Variants in TBC1D8B observed in about 807,000 individuals in gnomAD.
TBC1D8B encodes RP11-321G1.1.
Under a neutral mutation model 82.9 loss-of-function variants are expected in TBC1D8B, and 75 were observed. The observed-to-expected ratio is 0.90, with a 90% CI of 0.75 to 1.10. The LOEUF is 1.10. TBC1D8B is among the 50% of genes least tolerant of loss of function. The pLI is 0.00. For missense variants in TBC1D8B, 794 were observed against 796.9 expected (o/e 1.00, Z 0.04); for synonymous variants, 276 against 276.8 (o/e 1.00, Z 0.03).
At chrX:106,841,256 C>A (rs1932298581) in intron 10 of TBC1D8B, among the ~76,000 whole-genome samples, 1 of 111,265 alleles carries the variant, frequency 9.0e-6, no homozygotes, top group Non-Finnish European at 1.9e-5. Context: ...AATATAAATT[C>A]CTGTCATGAT....
intron 11 of TBC1D8B, chrX:106,849,696 T>C: frequency 2.3e-6 from 2 of 879,668 alleles, no homozygotes; most frequent in Non-Finnish European, 2.8e-6. Context: ...TTCTAATTAT[T>C]TGTGTATTTA....
Position 106,873,724 on chromosome X carries a change from A to G in TBC1D8B, c.3122A>G (p.Lys1041Arg). ...RKLHSPTSSA[K>R]GFSGTVCGSG... ...CTACATAGCCCTACATCATCAGCCA[A>G]AGGATTCTCTGGTACTGTCTGTGGT... The change falls in exon 21 of 21, where the codon AAA becomes AGA. Residue 1041 changes from lysine (K) to arginine (R), a missense_variant. Coordinates refer to ENST00000357242, the MANE Select transcript of TBC1D8B (RefSeq NM_017752.3). The G allele has an allele frequency of 1.7e-6, 2 of 1,211,812 alleles. No individual in the cohort carries two copies. The highest frequency in any genetic ancestry group is 3.0e-5 in the East Asian group (1 of 33,833).
chrX:106,857,523 A>C (rs1331080882), intron 14 of TBC1D8B, among the ~76,000 whole-genome samples: 8 of 111,261 alleles, frequency 7.2e-5, no homozygotes, highest in African/African-American at 2.6e-4. Flanking sequence ...CACAGGTAAT[A>C]ATGGTACTCA....
chrX:106,842,341 T>C (rs1932327206), intron 10 of TBC1D8B, among the ~76,000 whole-genome samples: 1 of 110,776 alleles, frequency 9.0e-6, no homozygotes, highest in Admixed American at 9.7e-5. Flanking sequence ...TTCTAAAAGA[T>C]GAGAGCAAAG....
In TBC1D8B at chrX:106,829,380, A is replaced by G. The variant is rs1438936653; in HGVS notation, c.1203+2043A>G. 2.0e-3 allele frequency: 208 copies of G among 104,175 alleles called. 2 individuals are homozygous for G. The highest frequency in any genetic ancestry group is 7.8e-3 in the African/African-American group (204 of 26,312). The allele number at this position is 104,175 out of a possible 1,213,427, so 8.6% of individuals were successfully genotyped here. ...ATGGCCATACTGCCCAAGGTAATTT[A>G]CAGATTCAATGCCATCCCCATCAAG... is the stretch of plus-strand genomic sequence containing the variant. On this transcript the variant is annotated intron_variant, in intron 7 of 20. Transcript: ENST00000357242.
At chrX:106,844,901 C>A (rs960314407) in intron 10 of TBC1D8B, among the ~76,000 whole-genome samples, 4 of 111,086 alleles carry the variant, frequency 3.6e-5, no homozygotes. Context: ...CTAAGTCAAT[C>A]TCTTTATTTA....
At position 106,850,008 on chromosome X, in the gene TBC1D8B, C is replaced by A; in HGVS notation, c.1838-17C>A. 1.5e-5 allele frequency: 17 copies of A among 1,158,115 alleles called. No homozygotes were observed. The highest frequency in any genetic ancestry group is 1.8e-5 in the Non-Finnish European group (16 of 872,629). On this transcript the variant is annotated splice_polypyrimidine_tract_variant and intron_variant, in intron 11 of 20. Coordinates refer to ENST00000357242, the MANE Select transcript of TBC1D8B (RefSeq NM_017752.3). ...TTGAAAAATGTTTATTTTTAAACTT[C>A]TTTTGATATTCTGTAGGTGCCTTGG...
chrX:106,825,287 T>C (rs934617848), intron 5 of TBC1D8B, among the ~76,000 whole-genome samples: 9 of 111,920 alleles, frequency 8.0e-5, no homozygotes, highest in Admixed American at 1.9e-4. Flanking sequence ...AGTTTTAGCT[T>C]TGTTGGATTT....
intron 5 of TBC1D8B, among the ~76,000 whole-genome samples, chrX:106,825,688 A>G (rs1037579812): frequency 2.7e-5 from 3 of 111,341 alleles, no homozygotes; most frequent in African/African-American, 9.8e-5. Flanking sequence ...GTTGTCTTCC[A>G]GGATTGATTT....
chrX:106,850,505 T>A (rs944157677), intron 12 of TBC1D8B, among the ~76,000 whole-genome samples, 195 bp downstream of exon 12: 9 of 112,037 alleles, frequency 8.0e-5, no homozygotes, highest in African/African-American at 2.9e-4. Flanking sequence ...TAAATCACTT[T>A]GAAGTGAACC....
intron 4 of TBC1D8B, 25 bp downstream of exon 4, chrX:106,822,227 T>C (rs1931716361): frequency 8.9e-7 from 1 of 1,129,561 alleles, no homozygotes; most frequent in African/African-American, 1.8e-5. Context: ...TTGCTTACTA[T>C]GGCCTTGAAT....
In TBC1D8B at chrX:106,803,281, A is replaced by T. The variant is rs1052600923; in HGVS notation, c.130+298A>T. Among the ~76,000 whole-genome samples the T allele has an allele frequency of 9.0e-5, 10 of 111,584 alleles. No homozygotes were observed. In the East Asian group the frequency reaches 2.6e-3, roughly 29 times the overall value. Reference sequence around the variant, plus strand: ...TCCCATGGGGGGAGGGAGGCTGATGATGAGTGTTAGACCTAGACAGGTCGC... The same window carrying T: ...TCCCATGGGGGGAGGGAGGCTGATGTTGAGTGTTAGACCTAGACAGGTCGC... On this transcript the variant is annotated intron_variant, in intron 1 of 20. Transcript: ENST00000357242.
At position 106,839,458 on chromosome X, in the gene TBC1D8B, G is replaced by A; in HGVS notation, c.1353+1G>A. On this transcript the variant is annotated splice_donor_variant, in intron 8 of 20. Transcript: ENST00000357242. LOFTEE classifies it high-confidence loss of function. ...TTTGGAGACTCTTAATTCTAAAATG[G>A]TAGGAAAACAAAATATTTAAACCTA... 1 of 1,141,249 alleles carries A rather than the reference G, an allele frequency of 8.8e-7. No individual in the cohort carries two copies. The highest frequency in any genetic ancestry group is 1.2e-6 in the Non-Finnish European group (1 of 860,157). The allele number at this position is 1,141,249 out of a possible 1,213,427, so 94.1% of individuals were successfully genotyped here.
intron 1 of TBC1D8B, among the ~76,000 whole-genome samples, chrX:106,804,496 A>G (rs1384776338): frequency 8.9e-6 from 1 of 112,009 alleles, no homozygotes. Context: ...GAGTCTTTCC[A>G]TTTAATAGAT....
At chrX:106,818,814 G>A (rs1931616028) in intron 2 of TBC1D8B, 41 bp downstream of exon 2, 2 of 1,017,580 alleles carry the variant, frequency 2.0e-6, no homozygotes, top group East Asian at 3.1e-5. Flanking sequence ...TTAAATAAGG[G>A]TACTACAAAG....
chrX:106,848,330 A>T, intron 11 of TBC1D8B, 27 bp downstream of exon 11: 1 of 962,639 alleles, frequency 1.0e-6, no homozygotes, highest in Non-Finnish European at 1.4e-6. Context: ...ACACACACAT[A>T]TGCATACACA....
At chrX:106,828,951 G>A (rs1227202401) in intron 7 of TBC1D8B, 1 of 106,807 alleles carries the variant, frequency 9.4e-6, no homozygotes. Flanking sequence ...AGGGCAATTA[G>A]GCAGGAGAAG....
intron 7 of TBC1D8B, 106 bp downstream of exon 7, chrX:106,827,443 G>T: frequency 1.1e-6 from 1 of 891,844 alleles, no homozygotes; most frequent in Non-Finnish European, 1.6e-6. Flanking sequence ...TATGCCCAGG[G>T]GTTTTTTTTA....
chrX:106,863,314 G>A (rs1313685813), intron 14 of TBC1D8B, among the ~76,000 whole-genome samples: 1 of 111,590 alleles, frequency 9.0e-6, no homozygotes, highest in Non-Finnish European at 1.9e-5. Flanking sequence ...CTGTGAATGG[G>A]GACAGGGAGA....
Sources: allele counts gnomAD v4.1 joint callset (sites outside exome capture counted in the v4.1 genomes callset), GRCh38; gene constraint gnomAD v4.1.1; transcripts MANE v1.5; gene names NCBI Gene and HGNC (gene_info 2026-07-23, HGNC 2026-07-21).